MAP7D2: variants seen among roughly 807,000 people sequenced by gnomAD.
MAP7D2 encodes the protein MAP7 domain containing 2.
MAP7D2 carries 33 observed loss-of-function variants against 63.5 expected under a neutral mutation model. That is an observed-to-expected ratio of 0.52 (90% CI 0.39 to 0.70). The LOEUF (loss-of-function observed/expected upper bound fraction) is 0.70. MAP7D2 is among the 30% of genes least tolerant of loss of function. The pLI is 0.00. For synonymous variants in MAP7D2, 224 were observed against 223.7 expected, an observed-to-expected ratio of 1.00 and a Z score of -0.01; for missense variants, 626 against 604.0, an observed-to-expected ratio of 1.04 and a Z score of -0.38.
At chrX:20,071,049 G>A (rs1459524854) in intron 1 of MAP7D2, among the ~76,000 whole-genome samples, 1 of 112,311 alleles carries the variant, frequency 8.9e-6, no homozygotes, top group Non-Finnish European at 1.9e-5. Context: ...CAGAAAAAAA[G>A]GGAAGGAGGA....
intron 8 of MAP7D2, among the ~76,000 whole-genome samples, chrX:20,028,289 A>G (rs937694811): frequency 8.9e-6 from 1 of 112,100 alleles, no homozygotes; most frequent in African/African-American, 3.2e-5. Context: ...GCTAAGTCTG[A>G]GTTTGGGGTC....
chrX:20,114,890 A>G (rs757460942), intron 1 of MAP7D2, among the ~76,000 whole-genome samples: 39 of 112,295 alleles, frequency 3.5e-4, no homozygotes, highest in African/African-American at 1.3e-3. Context: ...ATCAGTATCC[A>G]GGACAGATAA....
chrX:20,090,955 T>A (rs185999777), intron 1 of MAP7D2, among the ~76,000 whole-genome samples: 9 of 106,897 alleles, frequency 8.4e-5, no homozygotes, highest in Non-Finnish European at 1.5e-4. Flanking sequence ...GGTGACAGAG[T>A]GAGACCTCAT....
In MAP7D2 at chrX:20,011,042, T is replaced by C; in HGVS notation, c.2083A>G (p.Lys695Glu). 8.3e-7 allele frequency: 1 copy of C among 1,210,007 alleles called. No homozygotes were observed. The change falls in exon 16 of 17, where the codon AAA becomes GAA. Residue 695 changes from lysine (K) to glutamate (E), a missense_variant. Lys to Glu is a moderately conservative substitution (Grantham distance 56, BLOSUM62 1). Coordinates refer to ENST00000379643, the MANE Select transcript of MAP7D2 (RefSeq NM_001168465.2). ...TCCGGGATAGAGATAAGCTCTTCTT[T>C]TGAAACAGGACTAGAAGAGATGAAC... ...VQSMDVSPVS[K>E]EELISIPEFS...
intron 1 of MAP7D2, among the ~76,000 whole-genome samples, chrX:20,114,085 G>A (rs2066823975): frequency 8.9e-6 from 1 of 112,138 alleles, no homozygotes; most frequent in Non-Finnish European, 1.9e-5. Flanking sequence ...CCAGGCTGGA[G>A]TACAGTGGCG....
intron 1 of MAP7D2, among the ~76,000 whole-genome samples, chrX:20,092,501 T>C (rs1447785887): frequency 1.8e-5 from 2 of 112,010 alleles, no homozygotes; most frequent in Non-Finnish European, 3.8e-5. Flanking sequence ...GTTCACAAGA[T>C]AGTATACAAG....
chrX:20,036,534 G>A (rs890784151), intron 8 of MAP7D2, among the ~76,000 whole-genome samples: 5 of 106,559 alleles, frequency 4.7e-5, no homozygotes, highest in African/African-American at 1.7e-4. Context: ...GAGCCACCGC[G>A]CCTGGCCTGT....
chrX:20,015,209 C>G lies in MAP7D2; in HGVS notation c.1749+14G>C, dbSNP rs1387187413. On this transcript the variant is annotated intron_variant, in intron 12 of 16. Transcript: ENST00000379643. ...GTTCACTTACCCTAGGTCTTCCTGA[C>G]CCTCAGCCCTTACCTTCTTTCTCTC... 1 of 1,171,943 alleles carries G rather than the reference C, an allele frequency of 8.5e-7. No homozygotes were observed. The highest frequency in any genetic ancestry group is 2.2e-5 in the Admixed American group (1 of 45,645).
intron 1 of MAP7D2, among the ~76,000 whole-genome samples, chrX:20,066,113 G>A (rs1482958115): frequency 1.8e-5 from 2 of 110,523 alleles, no homozygotes; most frequent in African/African-American, 6.6e-5. Flanking sequence ...TAGTAGAGAC[G>A]GGGTTTCACC....
intron 3 of MAP7D2, among the ~76,000 whole-genome samples, chrX:20,058,116 G>C (rs2065110811): frequency 8.9e-6 from 1 of 112,198 alleles, no homozygotes; most frequent in African/African-American, 3.2e-5. Flanking sequence ...TCTTGTATTT[G>C]GCCTGAGACT....
chrX:20,077,837 T>C (rs1037947244), intron 1 of MAP7D2, among the ~76,000 whole-genome samples: 2 of 112,171 alleles, frequency 1.8e-5, no homozygotes, highest in African/African-American at 6.5e-5. Context: ...CATGTATATG[T>C]CCTCTTCATT....
At chrX:20,116,589 T>TG in intron 1 of MAP7D2, 161 bp downstream of exon 1, 1 of 969,545 alleles carries the variant, frequency 1.0e-6, no homozygotes, top group East Asian at 4.3e-5. Context: ...GGCCCTTGGA[T>TG]GCACGTCCGG....
rs897565954 is a variant in MAP7D2, at chrX:20,075,710, T to G, written c.131-10905A>C. On this transcript the variant is annotated intron_variant, in intron 1 of 16. Coordinates refer to ENST00000379643, the MANE Select transcript of MAP7D2 (RefSeq NM_001168465.2). ...GTCTCCAGTAAATGTACAAATTGCT[T>G]TTAATCCCTTTTGACTACTGAATTC... is the stretch of plus-strand genomic sequence containing the variant. Among the ~76,000 whole-genome samples, 10 of 112,036 alleles carry G rather than the reference T, an allele frequency of 8.9e-5. No homozygotes were observed. The South Asian group carries it at 3.7e-3, about 41-fold the overall frequency.
chrX:20,060,419 A>G (rs1220701358), intron 3 of MAP7D2, among the ~76,000 whole-genome samples: 1 of 65,550 alleles, frequency 1.5e-5, no homozygotes, highest in African/African-American at 7.0e-5. Context: ...AAAAGAAAAG[A>G]GAGAGAGAGA....
rs767311410 is a variant in MAP7D2 at position 20,116,198 on chromosome X, C to T, written c.130+552G>A. On this transcript the variant is annotated intron_variant, in intron 1 of 16. Coordinates refer to ENST00000379643, the MANE Select transcript of MAP7D2 (RefSeq NM_001168465.2). ...AGGGAGCGCATCCGGGCGGGAGGAG[C>T]ACCCGGTCCGGGGCAGACGCCTGGC... Among the ~76,000 whole-genome samples, 21 of 113,121 alleles carry T rather than the reference C, an allele frequency of 1.9e-4. 1 individual carries two copies. Among genetic ancestry groups the T allele is most frequent in the Admixed American group, 1.7e-3 (18 of 10,853 alleles).
chrX:20,059,819 C>G (rs966300910), intron 3 of MAP7D2, among the ~76,000 whole-genome samples: 5 of 111,295 alleles, frequency 4.5e-5, no homozygotes, highest in African/African-American at 1.3e-4. Context: ...GAGCGAGCCT[C>G]ACACTTGATG....
intron 1 of MAP7D2, among the ~76,000 whole-genome samples, chrX:20,083,434 G>A (rs866379359): frequency 3.0e-4 from 33 of 111,824 alleles, no homozygotes; most frequent in African/African-American, 9.1e-4. Context: ...CTGGGCTGTT[G>A]TGGCTGTCAC....
chrX:20,013,984 G>A (rs182625887), intron 12 of MAP7D2, among the ~76,000 whole-genome samples: 1 of 112,209 alleles, frequency 8.9e-6, no homozygotes, highest in Non-Finnish European at 1.9e-5. Context: ...TGCATCTCAG[G>A]AGAGAAGGCC....
intron 8 of MAP7D2, 26 bp from the exon 9 acceptor site, chrX:20,025,978 G>A: frequency 1.7e-6 from 2 of 1,198,943 alleles, no homozygotes; most frequent in South Asian, 3.6e-5. Context: ...TATGCCAGAG[G>A]ATGATTACTG....
Sources: allele counts gnomAD v4.1 joint callset (sites outside exome capture counted in the v4.1 genomes callset), GRCh38; gene constraint gnomAD v4.1.1; transcripts MANE v1.5; gene names NCBI Gene and HGNC (gene_info 2026-07-23, HGNC 2026-07-21).